MCM9: variants seen among roughly 807,000 people sequenced by gnomAD.
MCM9 encodes DNA helicase MCM9.
In MCM9, 55 loss-of-function variants were observed where a neutral mutation model predicts 72.8. The ratio of observed to expected loss-of-function variants is 0.76; its 90% CI spans 0.61 to 0.95. MCM9 has a LOEUF of 0.95. Among genes scored for constraint, MCM9 ranks in the 40% least tolerant of loss-of-function variants. MCM9 has a pLI of 0.00. For synonymous variants in MCM9, 480 were observed against 503.4 expected (o/e 0.95, Z 0.62); for missense variants, 1,279 against 1,377.0 (o/e 0.93, Z 1.13).
intron 8 of MCM9, among the ~76,000 whole-genome samples, chr6:118,900,140 T>C (rs1191169982): frequency 6.6e-6 from 1 of 152,216 alleles, no homozygotes; most frequent in African/African-American, 2.4e-5. Flanking sequence ...TGGTTTCCTC[T>C]GCCCAATTTA....
chr6:118,923,770 A>G (rs777906437), intron 4 of MCM9, 41 bp downstream of exon 4: 1 of 1,560,826 alleles, frequency 6.4e-7, no homozygotes, highest in Admixed American at 1.7e-5. Flanking sequence ...GCTGAAAAAC[A>G]CTTCTTCAAA....
chr6:118,815,183 C>G lies in MCM9; in HGVS notation c.3073G>C (p.Glu1025Gln). 1 of 1,550,542 alleles carries G rather than the reference C, an allele frequency of 6.4e-7. No individual in the cohort carries two copies. Among genetic ancestry groups the G allele is most frequent in the East Asian group, 2.4e-5 (1 of 40,904 alleles). The change falls in exon 14 of 14, where the codon GAG becomes CAG. Residue 1025 changes from glutamate to glutamine, a missense_variant. By Grantham distance (29) the Glu-to-Gln change is conservative. Transcript: ENST00000619706. The stretch of plus-strand genomic sequence containing the variant: ...CAAGTAAGATGAGCACACCCAGTCT[C>G]GTTCCCAAGCTCTAATTCAGGCTGA... ...IIQPELELGN[E>Q]TGCAHLTCEG...
rs375316737 is a variant in MCM9, at chr6:118,917,742, G to A, written c.723C>T (p.Tyr241=). Residue 241 remains tyrosine, a synonymous_variant, in exon 6 of 14, where the codon TAC becomes TAT. Transcript: ENST00000619706. Reference sequence around the variant, plus strand: ...GCTTCCACCGTTGCATTACAATCCCGTAAATAGTGAGGTCATCACCTAGGA... The same window carrying A: ...GCTTCCACCGTTGCATTACAATCCCATAAATAGTGAGGTCATCACCTAGGA... The part of the protein sequence containing the change: ...SCKSGDDLTI[Y]GIVMQRWKPF... The A allele has an allele frequency of 5.6e-5, 91 of 1,613,806 alleles. 2 individuals carry two copies. In the South Asian group the frequency reaches 7.8e-4, roughly 14 times the overall value.
At chr6:118,856,301 G>A (rs1236730366) in intron 9 of MCM9, 70 bp downstream of exon 9, 14 of 1,422,232 alleles carry the variant, frequency 9.8e-6, no homozygotes, top group Admixed American at 2.3e-5. Context: ...AGCTCAACAA[G>A]GTTCACATTT....
intron 8 of MCM9, chr6:118,901,030 G>A (rs1376965075): frequency 1.7e-6 from 1 of 602,778 alleles, no homozygotes; most frequent in Admixed American, 2.9e-5. Context: ...CATGTTTTAG[G>A]CAGTCTCTGT....
At chr6:118,847,812 A>C (rs1335979714) in intron 9 of MCM9, among the ~76,000 whole-genome samples, 1 of 151,866 alleles carries the variant, frequency 6.6e-6, no homozygotes, top group Non-Finnish European at 1.5e-5. Flanking sequence ...AAAGGAAAAA[A>C]CCCTCTGGGA....
intron 8 of MCM9, among the ~76,000 whole-genome samples, chr6:118,890,724 T>C (rs1426582063): frequency 4.6e-5 from 7 of 152,180 alleles, no homozygotes; most frequent in African/African-American, 1.4e-4. Flanking sequence ...CTCTAGTCTA[T>C]ATTTATACAG....
At chr6:118,870,863 G>T (rs1232702338) in intron 8 of MCM9, among the ~76,000 whole-genome samples, 2 of 151,402 alleles carry the variant, frequency 1.3e-5, no homozygotes, top group African/African-American at 2.4e-5. Flanking sequence ...AGAAGAATTA[G>T]GCAAATTTCT....
rs560398542 is a variant in MCM9 at position 118,815,919 on chromosome 6, G to A, written c.2337C>T (p.Ser779=). The part of the protein sequence containing the change: ...GENMASKISN[S]TSQGKEKSEP... ...CACTCTTCTCCTTACCCTGAGATGT[G>A]CTGTTAGAGATCTTCGAAGCCATAT... The change falls in exon 14 of 14, where the codon AGC becomes AGT. Residue 779 remains serine, a synonymous_variant. Coordinates refer to ENST00000619706, the MANE Select transcript of MCM9 (RefSeq NM_017696.3). The A allele has an allele frequency of 1.3e-6, 2 of 1,547,884 alleles. No homozygotes were observed. Among genetic ancestry groups the A allele is most frequent in the African/African-American group, 1.4e-5 (1 of 73,138 alleles).
chr6:118,895,882 CAT>C (rs761200706), intron 8 of MCM9, among the ~76,000 whole-genome samples: 14 of 152,082 alleles, frequency 9.2e-5, no homozygotes, highest in Middle Eastern at 3.4e-3. Flanking sequence ...ATGTATATAT[CAT>C]ATGTAAGGTT....
intron 8 of MCM9, among the ~76,000 whole-genome samples, chr6:118,882,256 G>C (rs999593109): frequency 2.0e-5 from 3 of 152,222 alleles, no homozygotes; most frequent in African/African-American, 7.2e-5. Flanking sequence ...GTAGCTCAGA[G>C]AGTTTGACCA....
At chr6:118,844,570 C>T (rs948412086) in intron 9 of MCM9, among the ~76,000 whole-genome samples, 2 of 151,470 alleles carry the variant, frequency 1.3e-5, no homozygotes, top group African/African-American at 2.4e-5. Flanking sequence ...AAAAGGACAA[C>T]TTAAATGGAA....
intron 8 of MCM9, among the ~76,000 whole-genome samples, chr6:118,872,938 G>A (rs1266500831): frequency 1.3e-5 from 2 of 152,058 alleles, no homozygotes; most frequent in Non-Finnish European, 2.9e-5. Context: ...CAGAGCTGAG[G>A]TGAGAGGATC....
At chr6:118,847,422 C>CAAAAAA (rs368957444) in intron 9 of MCM9, among the ~76,000 whole-genome samples, 5 of 113,844 alleles carry the variant, frequency 4.4e-5, no homozygotes, top group Non-Finnish European at 6.8e-5. Context: ...CATGAATCTT[C>CAAAAAA]AAAAAAAAAA....
Position 118,922,130 on chromosome 6 carries a change from T to C in MCM9, c.622-44A>G, listed in dbSNP as rs778382762. On this transcript the variant is annotated intron_variant, in intron 4 of 13. Transcript: ENST00000619706. ...CAGATTCTGAGTATGCTTAAATACA[T>C]GTTAAGTATCCAGAAGTCTAGCAGT... 18 of 1,430,756 alleles carry C rather than the reference T, an allele frequency of 1.3e-5. No homozygotes were observed. In the Admixed American group the frequency reaches 1.7e-4, roughly 14 times the overall value. 88.6% of individuals were successfully genotyped at this position (1,430,756 alleles called of 1,614,324 possible).
chr6:118,893,132 T>G lies in MCM9; in HGVS notation c.1150+18518A>C, dbSNP rs372154859. Among the ~76,000 whole-genome samples, 19 of 152,354 alleles carry G rather than the reference T, an allele frequency of 1.2e-4. No individual in the cohort carries two copies. In the East Asian group the frequency reaches 2.1e-3, roughly 17 times the overall value. On this transcript the variant is annotated intron_variant, in intron 8 of 13. Coordinates refer to ENST00000619706, the MANE Select transcript of MCM9 (RefSeq NM_017696.3). ...CTTACTAAATAGAAACGGTTTAGGC[T>G]CACAAATATGTTAAAGCTTTCTCTT...
rs183593357 is a variant in MCM9 at position 118,861,451 on chromosome 6, G to A, written c.1151-4906C>T. Among the ~76,000 whole-genome samples, 4 of 152,296 alleles carry A rather than the reference G, an allele frequency of 2.6e-5. No individual in the cohort carries two copies. In the East Asian group the frequency reaches 7.7e-4, roughly 29 times the overall value. On this transcript the variant is annotated intron_variant, in intron 8 of 13. Transcript: ENST00000619706. ...TCAGTCCCATCATTCAACAGGTCCT[G>A]CATTCTTGTCTCATCTCCAGGAAGC...
In MCM9 at chr6:118,875,594, C is replaced by T. The variant is rs533784928; in HGVS notation, c.1151-19049G>A. Among the ~76,000 whole-genome samples the T allele has an allele frequency of 5.9e-5, 9 of 151,972 alleles. No homozygotes were observed. In the South Asian group the frequency reaches 1.9e-3, roughly 32 times the overall value. The stretch of plus-strand genomic sequence containing the variant: ...AAGGCTGCAGTGAGCCATGTTCATA[C>T]CACTGCACTCCAGCCTGGGCAACAG... On this transcript the variant is annotated intron_variant, in intron 8 of 13. Coordinates refer to ENST00000619706, the MANE Select transcript of MCM9 (RefSeq NM_017696.3).
intron 8 of MCM9, chr6:118,894,636 T>C (rs1040299683): frequency 1.2e-5 from 11 of 942,354 alleles, no homozygotes; most frequent in African/African-American, 3.4e-5. Flanking sequence ...GGCCGCGGGC[T>C]GCTCTGCGGA....
Sources: gnomAD v4.1 joint callset for allele counts (sites outside exome capture counted in the v4.1 genomes callset) on GRCh38, gnomAD v4.1.1 for gene constraint, MANE v1.5 for transcripts, NCBI Gene and HGNC (gene_info 2026-07-23, HGNC 2026-07-21) for gene names.